The following LETM1 variants were observed in gnomAD, a reference collection of about 807,000 sequenced individuals.
LETM1 encodes the protein mitochondrial proton/calcium exchanger protein.
In LETM1, 50 loss-of-function variants were observed where a neutral mutation model predicts 74.5. That is an observed-to-expected ratio of 0.67 (90% confidence interval 0.53 to 0.85). LETM1 has a LOEUF of 0.85. Among genes scored for constraint, LETM1 ranks in the 40% least tolerant of loss-of-function variants. The pLI is 0.00. For synonymous variants in LETM1, 446 were observed against 407.1 expected, an observed-to-expected ratio of 1.10 and a Z score of -1.15; for missense variants, 824 against 967.8, an observed-to-expected ratio of 0.85 and a Z score of 1.97.
At chr4:1,838,602 G>A (rs1324593592) in intron 3 of LETM1, among the ~76,000 whole-genome samples, 5 of 152,176 alleles carry the variant, frequency 3.3e-5, no homozygotes, top group African/African-American at 7.2e-5. Context: ...CCTTATGCCC[G>A]GGAGGGCTGA....
intron 1 of LETM1, among the ~76,000 whole-genome samples, chr4:1,851,358 C>T (rs982068590): frequency 1.3e-5 from 2 of 152,054 alleles, no homozygotes; most frequent in Non-Finnish European, 2.9e-5. Flanking sequence ...TCACTCCAGC[C>T]GGCAACGAGA....
chr4:1,848,319 C>T (rs1050783885), intron 2 of LETM1, among the ~76,000 whole-genome samples: 3 of 152,040 alleles, frequency 2.0e-5, no homozygotes, highest in Non-Finnish European at 2.9e-5. Context: ...GAGGCCATGG[C>T]GGGCGGATCA....
chr4:1,822,838 T>A (rs1024953304), intron 9 of LETM1, 150 bp downstream of exon 9: 7 of 765,962 alleles, frequency 9.1e-6, no homozygotes, highest in Non-Finnish European at 1.2e-5. Flanking sequence ...CCGGGCACCC[T>A]GCCTCCCTGA....
At chr4:1,844,662 T>TGGAGGCTGCAGGGAGGC (rs1355722117) in intron 2 of LETM1, among the ~76,000 whole-genome samples, 1 of 149,888 alleles carries the variant, frequency 6.7e-6, no homozygotes, top group Non-Finnish European at 1.5e-5. Flanking sequence ...AGCCGGGAGG[T>TGGAGGCTGCAGGGAGGC]GGAGGCTGCA....
At chr4:1,838,599 C>G (rs1388946351) in intron 3 of LETM1, among the ~76,000 whole-genome samples, 1 of 152,176 alleles carries the variant, frequency 6.6e-6, no homozygotes, top group African/African-American at 2.4e-5. Context: ...ATCCCTTATG[C>G]CCGGGAGGGC....
rs1712323223 is a variant in LETM1 at position 1,832,806 on chromosome 4, T to G, written c.1018A>C (p.Thr340Pro). 6.2e-7 allele frequency: 1 copy of G among 1,614,200 alleles called. No homozygotes were observed. Among genetic ancestry groups the G allele is most frequent in the Non-Finnish European group, 8.5e-7 (1 of 1,180,048 alleles). Residue 340 changes from threonine (T) to proline (P), a missense_variant, in exon 6 of 14, where the codon ACC becomes CCC. This residue lies in a region of LETM1 where 269 missense variants were observed against 348.8 expected (regional missense o/e 0.77). Transcript: ENST00000302787. Reference sequence around the variant, plus strand: ...AGCTGGAAGCGCAGGAAGTTGTTGGTGCCGATGGACTGTAGCTCCAGCAGC... The same window carrying G: ...AGCTGGAAGCGCAGGAAGTTGTTGGGGCCGATGGACTGTAGCTCCAGCAGC... Reference protein sequence around the residue: ...CKLLELQSIGTNNFLRFQLTM... With the variant: ...CKLLELQSIGPNNFLRFQLTM...
chr4:1,843,876 G>A (rs1712789351), intron 2 of LETM1, among the ~76,000 whole-genome samples: 1 of 152,198 alleles, frequency 6.6e-6, no homozygotes, highest in East Asian at 1.9e-4. Context: ...GAATGCAGCA[G>A]AGCCCACGCA....
At position 1,855,911 on chromosome 4, in the gene LETM1, G is replaced by A. The variant is rs531801469; in HGVS notation, c.40C>T (p.Pro14Ser). The change falls in exon 1 of 14, where the codon CCC becomes TCC. Residue 14 changes from proline (P) to serine (S), a missense_variant. Around this residue, in one of 4 missense-constraint regions of LETM1, gnomAD observed 222 missense variants for 195.6 expected, o/e 1.14. Transcript: ENST00000302787. ...CGAGGCGGCGGCGGGAGGCGGGCGG[G>A]CGCCCGGCCGCGGCAGCTCCTCAGT... is the stretch of plus-strand genomic sequence containing the variant. ...ILLRSCRGRA[P>S]ARLPPPPRYT... The A allele has an allele frequency of 3.8e-3, 4,668 of 1,237,576 alleles. 137 individuals are homozygous for A. The African/African-American group carries it at 0.066, about 17-fold the overall frequency. The allele number at this position is 1,237,576 out of a possible 1,614,324, so 76.7% of individuals were successfully genotyped here. A position where few individuals can be genotyped will look rare whatever the true frequency, so the allele number is the denominator to read the frequency against.
intron 7 of LETM1, among the ~76,000 whole-genome samples, chr4:1,824,253 G>A (rs368889090): frequency 6.6e-5 from 10 of 152,180 alleles, no homozygotes; most frequent in South Asian, 4.1e-4. Context: ...CCAGGGAGGC[G>A]GAGGTTGTTT....
At chr4:1,825,143 G>T (rs1711939061) in intron 7 of LETM1, among the ~76,000 whole-genome samples, 1 of 152,206 alleles carries the variant, frequency 6.6e-6, no homozygotes, top group South Asian at 2.1e-4. Context: ...CACAGGGCGT[G>T]GCCAAGAGAA....
chr4:1,831,916 T>C (rs888575657), intron 6 of LETM1, among the ~76,000 whole-genome samples: 3 of 152,202 alleles, frequency 2.0e-5, no homozygotes, highest in African/African-American at 4.8e-5. Flanking sequence ...GAGTAATCAA[T>C]GTGAACTAGA....
At chr4:1,849,323 G>T in intron 1 of LETM1, 114 bp from the exon 2 acceptor site, 1 of 728,392 alleles carries the variant, frequency 1.4e-6, no homozygotes, top group Non-Finnish European at 2.5e-6. Context: ...AGAGTGCAAT[G>T]GCGTGATCTC....
In LETM1 at chr4:1,834,185, G is replaced by A. The variant is rs1334522464; in HGVS notation, c.876+660C>T. 2 of 160,146 alleles carry A rather than the reference G, an allele frequency of 1.2e-5. No individual in the cohort carries two copies. Among genetic ancestry groups the A allele is most frequent in the Admixed American group, 6.5e-5 (1 of 15,298 alleles). 9.9% of individuals were successfully genotyped at this position (160,146 alleles called of 1,614,324 possible). A position where few individuals can be genotyped will look rare whatever the true frequency, so the allele number is the denominator to read the frequency against. The stretch of plus-strand genomic sequence containing the variant: ...TGTGCTGCAGCGGGAAAACCCCACA[G>A]ACAACGCACACGCATGGCTGGAGTT... On this transcript the variant is annotated intron_variant, in intron 5 of 13. Transcript: ENST00000302787. The surrounding 1 kb of genome is among the most constrained non-coding windows in gnomAD (Gnocchi z 5.0).
In LETM1 at chr4:1,834,907, C is replaced by A. The variant is rs538968139; in HGVS notation, c.814G>T (p.Ala272Ser). 1.2e-6 allele frequency: 2 copies of A among 1,614,210 alleles called. No homozygotes were observed. The highest frequency in any genetic ancestry group is 1.7e-6 in the Non-Finnish European group (2 of 1,180,030). Residue 272 changes from alanine (A) to serine (S), a missense_variant, in exon 5 of 14, where the codon GCC becomes TCC. Ala to Ser is a moderately conservative substitution (Grantham distance 99, BLOSUM62 1). Around this residue, in one of 4 missense-constraint regions of LETM1, gnomAD observed 269 missense variants for 348.8 expected, o/e 0.77. Transcript: ENST00000302787. The surrounding 1 kb of genome is among the most constrained non-coding windows in gnomAD (Gnocchi z 5.0). Reference protein sequence around the residue: ...KFLQDTIEEMALKNKAAKGSA... With the variant: ...KFLQDTIEEMSLKNKAAKGSA... ...CCCTTGGCTGCCTTGTTCTTCAAGGCCATCTCCTCGATGGTGTCCTGGAGG... is the reference window on the plus strand; with the variant it reads ...CCCTTGGCTGCCTTGTTCTTCAAGGACATCTCCTCGATGGTGTCCTGGAGG...
chr4:1,844,740 T>C (rs1187591410), intron 2 of LETM1, among the ~76,000 whole-genome samples: 1 of 150,482 alleles, frequency 6.6e-6, no homozygotes, highest in Non-Finnish European at 1.5e-5. Flanking sequence ...AGAGTGAGAC[T>C]GTCTTAAAAA....
Position 1,819,476 on chromosome 4 carries a change from G to A in LETM1, c.1609-4C>T, listed in dbSNP as rs1711696397. 6.2e-7 allele frequency: 1 copy of A among 1,608,600 alleles called. No homozygotes were observed. Among genetic ancestry groups the A allele is most frequent in the Non-Finnish European group, 8.5e-7 (1 of 1,177,642 alleles). Reference sequence around the variant, plus strand: ...CCTCCTTCGTGATCTCTTCCTCCTGGGATAAAAATGGGCAAACAACAAAGC... The same window carrying A: ...CCTCCTTCGTGATCTCTTCCTCCTGAGATAAAAATGGGCAAACAACAAAGC... On this transcript the variant is annotated splice_polypyrimidine_tract_variant and splice_region_variant and intron_variant, in intron 10 of 13. Transcript: ENST00000302787.
At chr4:1,823,801 A>T in intron 7 of LETM1, 26 bp from the exon 8 acceptor site, 1 of 1,591,714 alleles carries the variant, frequency 6.3e-7, no homozygotes. Context: ...GGTTCAGCAG[A>T]TGGGCAGCCC....
intron 1 of LETM1, among the ~76,000 whole-genome samples, chr4:1,851,681 T>A (rs1243538856): frequency 6.6e-6 from 1 of 152,096 alleles, no homozygotes; most frequent in African/African-American, 2.4e-5. Flanking sequence ...CCCCCACCTT[T>A]CTCCACATGA....
At chr4:1,847,694 G>T (rs145832002) in intron 2 of LETM1, among the ~76,000 whole-genome samples, 2 of 151,264 alleles carry the variant, frequency 1.3e-5, no homozygotes, top group African/African-American at 4.9e-5. Flanking sequence ...GTGTGGTGGC[G>T]GCGTCTCTAA....
Sources: gnomAD v4.1 joint callset for allele counts (sites outside exome capture counted in the v4.1 genomes callset) on GRCh38, gnomAD v4.1.1 for gene constraint, gnomAD v4.1.1 regional missense constraint, Gnocchi (gnomAD v3.1) non-coding constraint, MANE v1.5 for transcripts, NCBI Gene and HGNC (gene_info 2026-07-23, HGNC 2026-07-21) for gene names.